The following KCMF1 variants were observed in gnomAD, a reference collection of about 807,000 sequenced individuals.
The protein encoded by KCMF1 is potassium channel modulatory factor 1.
KCMF1 carries 3 observed loss-of-function variants against 41.1 expected under a neutral mutation model. That is an observed-to-expected ratio of 0.07 (90% CI 0.03 to 0.19). The LOEUF (loss-of-function observed/expected upper bound fraction) is 0.19. Among genes scored for constraint, KCMF1 ranks in the 10% least tolerant of loss-of-function variants. KCMF1 has a pLI of 1.00. For missense variants in KCMF1, 286 were observed against 488.9 expected (o/e 0.58, Z 3.91); for synonymous variants, 142 against 164.5 (o/e 0.86, Z 1.04).
intron 1 of KCMF1, among the ~76,000 whole-genome samples, chr2:85,023,584 G>A (rs1457160484): frequency 6.6e-6 from 1 of 152,124 alleles, no homozygotes; most frequent in African/African-American, 2.4e-5. Context: ...GTCTCCCAAA[G>A]TGCTGGGATT....
At chr2:84,994,940 G>T (rs901412560) in intron 1 of KCMF1, among the ~76,000 whole-genome samples, 2 of 149,882 alleles carry the variant, frequency 1.3e-5, no homozygotes, top group African/African-American at 4.8e-5. Flanking sequence ...GCATTTTAAT[G>T]ATATTTTAAT....
intron 1 of KCMF1, among the ~76,000 whole-genome samples, chr2:84,973,656 A>G (rs1441824851): frequency 1.3e-5 from 2 of 152,130 alleles, no homozygotes; most frequent in Non-Finnish European, 2.9e-5. Context: ...TATTTTGTGG[A>G]ATATTAGTTC....
At chr2:85,043,514 T>A (rs368234831) in intron 3 of KCMF1, 50 bp from the exon 4 acceptor site, 3 of 1,021,564 alleles carry the variant, frequency 2.9e-6, no homozygotes, top group Admixed American at 1.9e-5. Flanking sequence ...TCCAGAAAGA[T>A]GTCTTATTGA....
chr2:85,041,025 G>A (rs1558585027), intron 3 of KCMF1, among the ~76,000 whole-genome samples: 1 of 152,090 alleles, frequency 6.6e-6, no homozygotes, highest in Non-Finnish European at 1.5e-5. Flanking sequence ...CTTCCAAAGT[G>A]CTGGGATTAC....
Position 85,032,368 on chromosome 2 carries a change from AT to A in KCMF1, c.185-2643del, listed in dbSNP as rs544267718. ...TTTATTTTTATTTTTATTTTATTTTATTTTTATTTTATTTTATTTTATTTTG... is the reference window on the plus strand; with the variant it reads ...TTTATTTTTATTTTTATTTTATTTTATTTTATTTTATTTTATTTTATTTTG... On this transcript the variant is annotated intron_variant, in intron 2 of 6. Transcript: ENST00000409785. 2.9e-3 allele frequency among the ~76,000 whole-genome samples: 414 copies of A among 144,878 alleles called. 2 individuals carry two copies. Among genetic ancestry groups the A allele is most frequent in the African/African-American group, 9.7e-3 (376 of 38,598 alleles).
chr2:85,007,658 G>A (rs1260412516), intron 1 of KCMF1, among the ~76,000 whole-genome samples: 6 of 152,212 alleles, frequency 3.9e-5, no homozygotes, highest in Non-Finnish European at 7.3e-5. Context: ...GATAAGATAC[G>A]GGGACTGGGC....
At chr2:85,034,147 TCATC>T (rs1675352134) in intron 2 of KCMF1, among the ~76,000 whole-genome samples, 2 of 152,120 alleles carry the variant, frequency 1.3e-5, no homozygotes, top group African/African-American at 4.8e-5. Flanking sequence ...TGAGCTGTGA[TCATC>T]CAGCCTGTGC....
At chr2:84,993,868 G>T (rs111274319) in intron 1 of KCMF1, among the ~76,000 whole-genome samples, 7 of 151,438 alleles carry the variant, frequency 4.6e-5, no homozygotes, top group Non-Finnish European at 1.0e-4. Context: ...GAGCTACTGC[G>T]CTTGACCTAC....
chr2:85,046,582 A>C (rs1034350553), intron 5 of KCMF1, among the ~76,000 whole-genome samples: 19 of 151,540 alleles, frequency 1.3e-4, no homozygotes, highest in African/African-American at 4.6e-4. Flanking sequence ...GGGAGCCGAG[A>C]TCGCACCACT....
At chr2:85,032,916 T>G (rs1675311112) in intron 2 of KCMF1, among the ~76,000 whole-genome samples, 1 of 152,208 alleles carries the variant, frequency 6.6e-6, no homozygotes, top group African/African-American at 2.4e-5. Flanking sequence ...CTGGATGCCT[T>G]TCATTTACTC....
At chr2:85,010,300 C>G (rs1242918115) in intron 1 of KCMF1, among the ~76,000 whole-genome samples, 1 of 152,116 alleles carries the variant, frequency 6.6e-6, no homozygotes, top group African/African-American at 2.4e-5. Flanking sequence ...GAAACCCCGT[C>G]TCTGCTAAAA....
chr2:85,021,553 C>T (rs1674940064), intron 1 of KCMF1, among the ~76,000 whole-genome samples: 1 of 151,596 alleles, frequency 6.6e-6, no homozygotes, highest in Non-Finnish European at 1.5e-5. Flanking sequence ...AACCAGGAGA[C>T]AGAGCTTGCA....
In KCMF1 at chr2:85,046,089, T is replaced by C; in HGVS notation, c.427-15T>C. The stretch of plus-strand genomic sequence containing the variant: ...CTGTGAAATACTTTCGTTTTTTTCT[T>C]AACTTTTGGGTTATGATGAATCGAG... On this transcript the variant is annotated splice_polypyrimidine_tract_variant and intron_variant, in intron 4 of 6. Transcript: ENST00000409785. The C allele has an allele frequency of 6.3e-7, 1 of 1,588,384 alleles. No individual in the cohort carries two copies. Among genetic ancestry groups the C allele is most frequent in the South Asian group, 1.2e-5 (1 of 86,864 alleles).
intron 1 of KCMF1, among the ~76,000 whole-genome samples, chr2:84,997,282 A>T (rs958285401): frequency 6.6e-6 from 1 of 151,978 alleles, no homozygotes; most frequent in Non-Finnish European, 1.5e-5. Context: ...CTTTTTAATT[A>T]TAGGATTTTT....
chr2:85,035,074 C>T lies in KCMF1; in HGVS notation c.243C>T (p.Pro81=), dbSNP rs1221779688. ...SVEQPQSFTC[P]YCGKMGYTET... is the part of the protein sequence containing the mutation. Reference sequence around the variant, plus strand: ...AGCAGCCACAGTCTTTTACTTGTCCCTATTGTGGAAAAATGGGCTATACGG... The same window carrying T: ...AGCAGCCACAGTCTTTTACTTGTCCTTATTGTGGAAAAATGGGCTATACGG... The change falls in exon 3 of 7, where the codon CCC becomes CCT. Residue 81 remains proline, a synonymous_variant. Transcript: ENST00000409785. 26 of 1,613,006 alleles carry T rather than the reference C, an allele frequency of 1.6e-5. No individual in the cohort carries two copies. Among genetic ancestry groups the T allele is most frequent in the Non-Finnish European group, 2.0e-5 (24 of 1,179,228 alleles).
chr2:85,011,631 A>G (rs1003133385), intron 1 of KCMF1, among the ~76,000 whole-genome samples: 1 of 152,260 alleles, frequency 6.6e-6, no homozygotes. Flanking sequence ...TGAAGACGCT[A>G]GTATTGGAGC....
chr2:85,031,203 C>G (rs1407377305), intron 2 of KCMF1, among the ~76,000 whole-genome samples: 2 of 152,142 alleles, frequency 1.3e-5, no homozygotes, highest in Admixed American at 6.5e-5. Flanking sequence ...GGAATTATGT[C>G]GAATCGGTAG....
intron 1 of KCMF1, among the ~76,000 whole-genome samples, chr2:84,997,180 T>A (rs1674197443): frequency 6.6e-6 from 1 of 152,216 alleles, no homozygotes; most frequent in South Asian, 2.1e-4. Flanking sequence ...CAACTTAGTT[T>A]CACTGAAAAT....
chr2:85,043,611 C>A lies in KCMF1; in HGVS notation c.372C>A (p.Val124=). 6.2e-7 allele frequency: 1 copy of A among 1,613,224 alleles called. No homozygotes were observed. The highest frequency in any genetic ancestry group is 8.5e-7 in the Non-Finnish European group (1 of 1,179,396). Residue 124 remains valine, a synonymous_variant, in exon 4 of 7, where the codon GTC becomes GTA. Transcript: ENST00000409785. ...AALPGGDPNH[V]TDDFAAHLTL... ...TACCTGGAGGCGATCCTAATCATGT[C>A]ACGGATGACTTTGCAGCTCATCTTA...
Sources: allele counts gnomAD v4.1 joint callset (sites outside exome capture counted in the v4.1 genomes callset), GRCh38; gene constraint gnomAD v4.1.1; transcripts MANE v1.5; gene names NCBI Gene and HGNC (gene_info 2026-07-23, HGNC 2026-07-21).